NDRG4: variants seen among roughly 807,000 people sequenced by gnomAD.
NDRG4 encodes the protein protein NDRG4.
Under a neutral mutation model 55.8 loss-of-function variants are expected in NDRG4, and 38 were observed. The observed-to-expected ratio is 0.68, with a 90% confidence interval of 0.53 to 0.89. The LOEUF is 0.89. NDRG4 is among the 40% of genes least tolerant of loss of function. The pLI is 0.00. For missense variants in NDRG4, 455 were observed against 468.6 expected, an observed-to-expected ratio of 0.97 and a Z score of 0.27; for synonymous variants, 190 against 182.7, an observed-to-expected ratio of 1.04 and a Z score of -0.32.
intron 1 of NDRG4, among the ~76,000 whole-genome samples, chr16:58,469,794 A>G (rs571509479): frequency 7.9e-5 from 12 of 152,206 alleles, no homozygotes; most frequent in Non-Finnish European, 1.6e-4. Context: ...ACCACATGCT[A>G]TATGTTAACT....
rs376755308 is a variant in NDRG4 at position 58,465,990 on chromosome 16, G to A, written c.-24+2193G>A. ...ACTGAACTTGTTAACCCCCTGGAGGGAAGGCTTGCGGTTCCATGGGTGTTT... is the reference window on the plus strand; with the variant it reads ...ACTGAACTTGTTAACCCCCTGGAGGAAAGGCTTGCGGTTCCATGGGTGTTT... On this transcript the variant is annotated intron_variant, in intron 1 of 15. Coordinates refer to the NDRG4 transcript ENST00000258187. Among the ~76,000 whole-genome samples the A allele has an allele frequency of 2.6e-5, 4 of 152,192 alleles. No individual in the cohort carries two copies. The South Asian group carries it at 8.3e-4, about 31-fold the overall frequency.
At position 58,500,269 on chromosome 16, in the gene NDRG4, G is replaced by A; in HGVS notation, c.21G>A (p.Gly7=). The A allele has an allele frequency of 6.5e-7, 1 of 1,536,014 alleles. No homozygotes were observed. The change falls in exon 1 of 15, where the codon GGG becomes GGA. Residue 7 remains glycine, a splice_region_variant and synonymous_variant. Transcript: ENST00000570248. The part of the protein sequence containing the change: MPECWD[G]EHDIETPYGL... Reference sequence around the variant, plus strand: ...GCAAGATGCCGGAGTGCTGGGATGGGGTGAGTGAGGGCGCTGCGGGCATCA... The same window carrying A: ...GCAAGATGCCGGAGTGCTGGGATGGAGTGAGTGAGGGCGCTGCGGGCATCA...
At position 58,511,587 on chromosome 16, in the gene NDRG4, C is replaced by G; in HGVS notation, c.*11C>G. 6.2e-6 allele frequency: 10 copies of G among 1,613,042 alleles called. No homozygotes were observed. Among genetic ancestry groups the G allele is most frequent in the South Asian group, 2.2e-5 (2 of 91,078 alleles). On this transcript the variant is annotated 3_prime_UTR_variant, in exon 15 of 15. Coordinates refer to ENST00000570248, the MANE Select transcript of NDRG4 (RefSeq NM_001242835.2). ...GAGGTGTCCTGTTGAAGCCCTTGAT[C>G]CCGCTGACGACGCCCACGTCGAGGC...
At chr16:58,486,326 T>G (rs2035069848) in intron 1 of NDRG4, among the ~76,000 whole-genome samples, 1 of 152,082 alleles carries the variant, frequency 6.6e-6, no homozygotes. Flanking sequence ...CACACCCAGC[T>G]ACTTTATTTT....
Position 58,509,284 on chromosome 16 carries a change from T to C in NDRG4, c.814-17T>C. ...TAGGCAGCCAATGAAAGCATGTGCTTGTCCTGCCCTCCGCAGCCAGGGAAG... is the reference window on the plus strand; with the variant it reads ...TAGGCAGCCAATGAAAGCATGTGCTCGTCCTGCCCTCCGCAGCCAGGGAAG... On this transcript the variant is annotated splice_polypyrimidine_tract_variant and intron_variant, in intron 12 of 14. Transcript: ENST00000570248. 6.2e-7 allele frequency: 1 copy of C among 1,614,042 alleles called. No individual in the cohort carries two copies. The highest frequency in any genetic ancestry group is 2.2e-5 in the East Asian group (1 of 44,880).
In NDRG4 at chr16:58,477,161, G is replaced by GAT. The variant is rs370447012; in HGVS notation, c.-23-10580_-23-10579dup. On this transcript the variant is annotated intron_variant, in intron 1 of 15. Transcript: ENST00000258187. ...ATATATGTGTGATATATATATATGT[G>GAT]ATATATATATATATATGTATGTGTG... Among the ~76,000 whole-genome samples the GAT allele has an allele frequency of 8.9e-3, 1,322 of 147,898 alleles. 15 individuals carry two copies. The highest frequency in any genetic ancestry group is 0.032 in the East Asian group (163 of 5,104).
chr16:58,480,712 A>G (rs2034284485), intron 1 of NDRG4, among the ~76,000 whole-genome samples: 1 of 152,196 alleles, frequency 6.6e-6, no homozygotes, highest in African/African-American at 2.4e-5. Context: ...ATAGGGTTGG[A>G]CAAATGAACA....
chr16:58,505,722 T>C (rs888397095), intron 5 of NDRG4, among the ~76,000 whole-genome samples: 3 of 130,782 alleles, frequency 2.3e-5, no homozygotes, highest in South Asian at 2.6e-4. Flanking sequence ...TCTTTTTTTT[T>C]TTTTTTTTTT....
intron 7 of NDRG4, 101 bp downstream of exon 7, chr16:58,506,715 T>A: frequency 7.4e-7 from 1 of 1,355,326 alleles, no homozygotes; most frequent in East Asian, 2.5e-5. Flanking sequence ...CTGACCTGGC[T>A]CACTCCAGAT....
At position 58,465,110 on chromosome 16, in the gene NDRG4, AGTGACTTCT is replaced by A. The variant is rs950650112; in HGVS notation, c.-24+1317_-24+1325del. 178 of 1,286,922 alleles carry A rather than the reference AGTGACTTCT, an allele frequency of 1.4e-4. 1 individual carries two copies. The South Asian group carries it at 1.9e-3, about 14-fold the overall frequency. 79.7% of individuals were successfully genotyped at this position (1,286,922 alleles called of 1,614,324 possible). Reference sequence around the variant, plus strand: ...CAGGGACGGGGGGGAGGATTCGAGGAGTGACTTCTGTGTTCTCCCCGGTGTGGAGAGACC... The same window carrying A: ...CAGGGACGGGGGGGAGGATTCGAGGAGTGTTCTCCCCGGTGTGGAGAGACC... On this transcript the variant is annotated intron_variant, in intron 1 of 15. Coordinates refer to the NDRG4 transcript ENST00000258187.
chr16:58,464,584 C>A lies in NDRG4; in HGVS notation c.-24+787C>A. 9.7e-7 allele frequency: 1 copy of A among 1,031,994 alleles called. No homozygotes were observed. Among genetic ancestry groups the A allele is most frequent in the Non-Finnish European group, 1.3e-6 (1 of 788,872 alleles). 63.9% of individuals were successfully genotyped at this position (1,031,994 alleles called of 1,614,324 possible). ...GAGCAGGAAGGGGTGCGGACCCCAA[C>A]TAAGTCCTAGTTTTGTGCTACCTGT... is the stretch of plus-strand genomic sequence containing the variant. On this transcript the variant is annotated intron_variant, in intron 1 of 15. Transcript: ENST00000258187. The surrounding 1 kb of genome is among the most constrained non-coding windows in gnomAD (Gnocchi z 4.8).
rs1436817167 is a variant in NDRG4, at chr16:58,511,560, T to C, written c.1043T>C (p.Met348Thr). 6.2e-7 allele frequency: 1 copy of C among 1,613,000 alleles called. No homozygotes were observed. Among genetic ancestry groups the C allele is most frequent in the African/African-American group, 1.3e-5 (1 of 75,044 alleles). Residue 348 changes from methionine (M) to threonine (T), a missense_variant, in exon 15 of 15, where the codon ATG becomes ACG. By Grantham distance (81) the Met-to-Thr change is moderately conservative. Coordinates refer to ENST00000570248, the MANE Select transcript of NDRG4 (RefSeq NM_001242835.2). ...GGGCTGGGCCAGGTCAACCACACCA[T>C]GGAGGTGTCCTGTTGAAGCCCTTGA... ...SEGLGQVNHT[M>T]EVSC
At chr16:58,484,112 G>T (rs1398471269) in intron 1 of NDRG4, among the ~76,000 whole-genome samples, 1 of 151,966 alleles carries the variant, frequency 6.6e-6, no homozygotes, top group African/African-American at 2.4e-5. Flanking sequence ...AACAAAAAAG[G>T]TCATTTTTAC....
chr16:58,502,711 T>C (rs1471777698), intron 1 of NDRG4, among the ~76,000 whole-genome samples: 1 of 152,174 alleles, frequency 6.6e-6, no homozygotes, highest in East Asian at 1.9e-4. Flanking sequence ...ACACAGTAGG[T>C]GCTCAGTCGC....
rs34720527 is a variant in NDRG4, at chr16:58,494,908, G to A, written c.73-56G>A. On this transcript the variant is annotated intron_variant, in intron 2 of 15. Transcript: ENST00000258187. ...AATTGAGTCTGCTAAGGCCCCACGG[G>A]CTCCCCAGACCAGCCAGGGCCTAAC... 315,076 of 1,529,950 alleles carry A rather than the reference G, an allele frequency of 0.21. 35,408 individuals carry two copies. Among genetic ancestry groups the A allele is most frequent in the South Asian group, 0.33 (29,182 of 88,758 alleles). 94.8% of individuals were successfully genotyped at this position (1,529,950 alleles called of 1,614,324 possible). A position where few individuals can be genotyped will look rare whatever the true frequency, so the allele number is the denominator to read the frequency against.
chr16:58,476,006 A>G (rs1341030117), intron 1 of NDRG4, among the ~76,000 whole-genome samples: 1 of 152,228 alleles, frequency 6.6e-6, no homozygotes, highest in Non-Finnish European at 1.5e-5. Context: ...CATGTTGGCC[A>G]GGCTGGTCTT....
chr16:58,502,036 C>G, intron 1 of NDRG4: 1 of 455,944 alleles, frequency 2.2e-6, no homozygotes, highest in South Asian at 1.5e-5. Context: ...GTCAGGAGCT[C>G]CCTCGGGTGG....
chr16:58,483,049 G>A (rs1597135920), intron 1 of NDRG4, among the ~76,000 whole-genome samples: 1 of 152,128 alleles, frequency 6.6e-6, no homozygotes, highest in African/African-American at 2.4e-5. Flanking sequence ...GCCTCCCAAA[G>A]TGCTGGGATT....
At chr16:58,507,891 G>T in intron 9 of NDRG4, 27 bp downstream of exon 9, 2 of 1,613,994 alleles carry the variant, frequency 1.2e-6, no homozygotes, top group Non-Finnish European at 1.7e-6. Flanking sequence ...CCTCTGGCCT[G>T]CCCTGGCCTT....
Sources: allele counts gnomAD v4.1 joint callset (sites outside exome capture counted in the v4.1 genomes callset), GRCh38; gene constraint gnomAD v4.1.1; non-coding constraint Gnocchi (gnomAD v3.1); transcripts MANE v1.5; gene names NCBI Gene and HGNC (gene_info 2026-07-23, HGNC 2026-07-21).